NFE2L1: variants seen among roughly 807,000 people sequenced by gnomAD.
NFE2L1 encodes endoplasmic reticulum membrane sensor NFE2L1.
NFE2L1 carries 18 observed loss-of-function variants against 61.6 expected under a neutral mutation model. That is an observed-to-expected ratio of 0.29 (90% CI 0.20 to 0.43). The LOEUF (loss-of-function observed/expected upper bound fraction) is 0.43, where lower values mean the gene tolerates loss of function less well. NFE2L1 is among the 20% of genes least tolerant of loss of function. NFE2L1 has a pLI of 1.00. For missense variants in NFE2L1, 827 were observed against 973.5 expected (o/e 0.85, Z 2.00); for synonymous variants, 419 against 402.7 (o/e 1.04, Z -0.48).
chr17:48,055,471 G>A (rs2037377352), intron 2 of NFE2L1, among the ~76,000 whole-genome samples: 1 of 152,098 alleles, frequency 6.6e-6, no homozygotes, highest in Admixed American at 6.5e-5. Flanking sequence ...GGGTAGAGCG[G>A]GAGGGAAGCA....
chr17:48,059,159 C>T lies in NFE2L1; in HGVS notation c.1837C>T (p.Arg613Trp), dbSNP rs1321725362. The change falls in exon 6 of 6, where the codon CGG becomes TGG. Residue 613 changes from arginine to tryptophan, a missense_variant. By Grantham distance (101) the Arg-to-Trp change is moderately radical. Coordinates refer to ENST00000362042, the MANE Select transcript of NFE2L1 (RefSeq NM_003204.3). The surrounding 1 kb of genome is among the most constrained non-coding windows in gnomAD (Gnocchi z 6.1). ...TGACTTCCTGGACAAGCAGATGAGC[C>T]GGGATGAGCACCGAGCCCGAGCCAT... Reference protein sequence around the residue: ...QADFLDKQMSRDEHRARAMKI... With the variant: ...QADFLDKQMSWDEHRARAMKI... The T allele has an allele frequency of 1.9e-6, 3 of 1,613,896 alleles. No individual in the cohort carries two copies. The highest frequency in any genetic ancestry group is 2.5e-6 in the Non-Finnish European group (3 of 1,180,022).
At position 48,056,577 on chromosome 17, in the gene NFE2L1, T is replaced by C; in HGVS notation, c.702T>C (p.Thr234=). 6.2e-7 allele frequency: 1 copy of C among 1,613,244 alleles called. No individual in the cohort carries two copies. The change falls in exon 3 of 6, where the codon ACT becomes ACC. Residue 234 remains threonine, a synonymous_variant. Coordinates refer to ENST00000362042, the MANE Select transcript of NFE2L1 (RefSeq NM_003204.3). ...GGAACCTGCTAGTGGATGGAGAGAC[T>C]GGGGAGAGCTTCCCTGCACAGGTAC... ...LARNLLVDGE[T]GESFPAQVPS... is the part of the protein sequence containing the mutation.
chr17:48,058,147 G>A (rs2037448914), intron 5 of NFE2L1, 148 bp from the exon 6 acceptor site: 1 of 1,109,770 alleles, frequency 9.0e-7, no homozygotes, highest in South Asian at 2.1e-5. Context: ...GGACGAAGCT[G>A]GGTCAGGAGC....
intron 2 of NFE2L1, chr17:48,054,683 C>G: frequency 7.8e-7 from 1 of 1,290,204 alleles, no homozygotes; most frequent in Non-Finnish European, 9.8e-7. Flanking sequence ...GGAGGATAGG[C>G]CCAGGAGGGA....
chr17:48,058,271 AGT>A (rs756460309), intron 5 of NFE2L1, 22 bp from the exon 6 acceptor site: 1 of 1,540,302 alleles, frequency 6.5e-7, no homozygotes, highest in Non-Finnish European at 8.8e-7. Context: ...CCTAGTGAAC[AGT>A]GGTGCTCTTC....
Position 48,050,891 on chromosome 17 carries a change from G to A in NFE2L1, c.-228G>A, listed in dbSNP as rs1161896259. On this transcript the variant is annotated 5_prime_UTR_variant, in exon 2 of 6. Transcript: ENST00000362042. ...TGTACTTTCAGAGGTGAGGTGTCGA[G>A]AAGGGAAAGTGAATGTGGTCTGGAG... 6.6e-6 allele frequency: 4 copies of A among 609,814 alleles called. No individual in the cohort carries two copies. The East Asian group carries it at 8.2e-5, about 13-fold the overall frequency. 37.8% of individuals were successfully genotyped at this position (609,814 alleles called of 1,614,324 possible). A position where few individuals can be genotyped will look rare whatever the true frequency, so the allele number is the denominator to read the frequency against.
chr17:48,048,894 G>A (rs1036785886), intron 1 of NFE2L1: 1 of 152,672 alleles, frequency 6.5e-6, no homozygotes, highest in African/African-American at 2.4e-5. Flanking sequence ...CCAGCCTCAG[G>A]CTATGGGCCC....
intron 2 of NFE2L1, chr17:48,054,633 G>GC: frequency 3.8e-6 from 4 of 1,063,256 alleles, no homozygotes; most frequent in Non-Finnish European, 4.6e-6. Context: ...CCCTGCTGCA[G>GC]CCTAGGTAAC....
chr17:48,055,796 G>C, intron 2 of NFE2L1, among the ~76,000 whole-genome samples: 1 of 152,096 alleles, frequency 6.6e-6, no homozygotes, highest in East Asian at 1.9e-4. Context: ...GCCAGCTGGG[G>C]AATGGGGAAT....
In NFE2L1 at chr17:48,060,806, T is replaced by C. The variant is rs1261844348; in HGVS notation, c.*1165T>C. The C allele has an allele frequency of 6.5e-6, 1 of 152,680 alleles. No individual in the cohort carries two copies. The highest frequency in any genetic ancestry group is 1.5e-5 in the Non-Finnish European group (1 of 68,050). The allele number at this position is 152,680 out of a possible 1,614,324, so 9.5% of individuals were successfully genotyped here. ...AGCAACAACAAAAGAACTAGTCCTC[T>C]TAGAATTTCTTGCGCTTTGATTTTT... On this transcript the variant is annotated 3_prime_UTR_variant, in exon 6 of 6. Coordinates refer to ENST00000362042, the MANE Select transcript of NFE2L1 (RefSeq NM_003204.3).
In NFE2L1 at chr17:48,059,344, C is replaced by G. The variant is rs147129982; in HGVS notation, c.2022C>G (p.Arg674=). ...NKMAAQNCRK[R]KLDTILNLER... ...TGGCGGCGCAGAACTGCCGCAAGCGCAAGCTGGACACCATCCTGAATCTGG... is the reference window on the plus strand; with the variant it reads ...TGGCGGCGCAGAACTGCCGCAAGCGGAAGCTGGACACCATCCTGAATCTGG... The change falls in exon 6 of 6, where the codon CGC becomes CGG. Residue 674 remains arginine (R), a synonymous_variant. Transcript: ENST00000362042. This position sits in a 1 kb window ranked among gnomAD's most constrained non-coding sequence, Gnocchi z 6.1. The G allele has an allele frequency of 6.2e-6, 10 of 1,614,222 alleles. No individual in the cohort carries two copies. The African/African-American group carries it at 1.2e-4, about 19-fold the overall frequency.
rs1020104936 is a variant in NFE2L1 at position 48,060,382 on chromosome 17, C to T, written c.*741C>T. On this transcript the variant is annotated 3_prime_UTR_variant, in exon 6 of 6. Transcript: ENST00000362042. ...AGTGAACAGGAAAGGGTCACGTGGT[C>T]CCATGTTGCAACAGCCCCAACATCA... 1 of 152,880 alleles carries T rather than the reference C, an allele frequency of 6.5e-6. No individual in the cohort carries two copies. The highest frequency in any genetic ancestry group is 2.4e-5 in the African/African-American group (1 of 41,444). The allele number at this position is 152,880 out of a possible 1,614,324, so 9.5% of individuals were successfully genotyped here. A position where few individuals can be genotyped will look rare whatever the true frequency, so the allele number is the denominator to read the frequency against.
intron 2 of NFE2L1, chr17:48,054,999 T>G (rs918393623): frequency 6.6e-6 from 10 of 1,509,986 alleles, no homozygotes; most frequent in Non-Finnish European, 7.1e-6. Flanking sequence ...CCGGCTGCCC[T>G]GGGGCTCATC....
At chr17:48,056,285 C>G in intron 2 of NFE2L1, 101 bp from the exon 3 acceptor site, 2 of 1,413,558 alleles carry the variant, frequency 1.4e-6, no homozygotes, top group Non-Finnish European at 9.9e-7. Context: ...AGGGGCCCCA[C>G]CCAGGACTAA....
At chr17:48,054,523 A>G in intron 2 of NFE2L1, 1 of 934,944 alleles carries the variant, frequency 1.1e-6, no homozygotes, top group East Asian at 4.9e-5. Flanking sequence ...GTGGGAGGGG[A>G]TTGGCTCTTT....
chr17:48,055,069 C>T, intron 2 of NFE2L1: 2 of 1,494,988 alleles, frequency 1.3e-6, no homozygotes, highest in Non-Finnish European at 1.8e-6. Context: ...ATGCCAAAGG[C>T]AGCCGGCCCC....
At position 48,060,932 on chromosome 17, in the gene NFE2L1, TA is replaced by T. The variant is rs1373680760; in HGVS notation, c.*1294del. The T allele has an allele frequency of 2.0e-5, 3 of 152,678 alleles. No individual in the cohort carries two copies. Among genetic ancestry groups the T allele is most frequent in the Admixed American group, 6.5e-5 (1 of 15,286 alleles). 9.5% of individuals were successfully genotyped at this position (152,678 alleles called of 1,614,324 possible). On this transcript the variant is annotated 3_prime_UTR_variant, in exon 6 of 6. Transcript: ENST00000362042. ...AAGCTGCTAAATGTTCTCTTTGCCA[TA>T]AAGACTCCGTGTAACTGTGTGAACA...
chr17:48,054,066 C>T (rs565875582), intron 2 of NFE2L1, among the ~76,000 whole-genome samples: 1 of 152,308 alleles, frequency 6.6e-6, no homozygotes, highest in South Asian at 2.1e-4. Context: ...TGGGTTCCTG[C>T]CCAGCCTGGC....
chr17:48,054,666 A>AGGAGCGG, intron 2 of NFE2L1: 1 of 1,200,354 alleles, frequency 8.3e-7, no homozygotes, highest in African/African-American at 1.8e-5. Context: ...CGTGGGGGGG[A>AGGAGCGG]GGAGCGGGAG....
Sources: allele counts gnomAD v4.1 joint callset (sites outside exome capture counted in the v4.1 genomes callset), GRCh38; gene constraint gnomAD v4.1.1; non-coding constraint Gnocchi (gnomAD v3.1); transcripts MANE v1.5; gene names NCBI Gene and HGNC (gene_info 2026-07-23, HGNC 2026-07-21).